PRAME: variants seen among roughly 807,000 people sequenced by gnomAD.
The protein encoded by PRAME is melanoma antigen preferentially expressed in tumors.
PRAME carries 21 observed loss-of-function variants against 32.1 expected under a neutral mutation model. The ratio of observed to expected loss-of-function variants is 0.65; its 90% CI spans 0.46 to 0.94. PRAME has a LOEUF of 0.94. PRAME is among the 40% of genes least tolerant of loss of function. PRAME has a pLI of 0.00. For synonymous variants in PRAME, 274 were observed against 251.5 expected (o/e 1.09, Z -0.85); for missense variants, 651 against 622.3 (o/e 1.05, Z -0.49).
At chr22:22,558,851 C>A (rs1189689960) in intron 1 of PRAME, 120 bp downstream of exon 1, 1 of 151,888 alleles carries the variant, frequency 6.6e-6, no homozygotes, top group Non-Finnish European at 1.5e-5. Context: ...GTTCTCGCCC[C>A]ACCCCGCCCC....
chr22:22,549,525 C>T (rs2062442148), intron 5 of PRAME, among the ~76,000 whole-genome samples: 1 of 151,896 alleles, frequency 6.6e-6, no homozygotes, highest in African/African-American at 2.4e-5. Context: ...TAGCATCTAT[C>T]CTAATGTATA....
chr22:22,550,029 G>T lies in PRAME; in HGVS notation c.650C>A (p.Ala217Glu). The change falls in exon 5 of 6, where the codon GCA becomes GAA. Residue 217 changes from alanine (A) to glutamate (E), a missense_variant. By Grantham distance (107) the Ala-to-Glu change is moderately radical. Transcript: ENST00000405655. Reference protein sequence around the residue: ...RLCCKKLKIFAMPMQDIKMIL... With the variant: ...RLCCKKLKIFEMPMQDIKMIL... Reference sequence around the variant, plus strand: ...CATCTTGATATCCTGCATGGGCATTGCAAAAATCTTCAGCTTCTTACAGCA... The same window carrying T: ...CATCTTGATATCCTGCATGGGCATTTCAAAAATCTTCAGCTTCTTACAGCA... The T allele has an allele frequency of 6.2e-7, 1 of 1,613,836 alleles. No homozygotes were observed. The highest frequency in any genetic ancestry group is 8.5e-7 in the Non-Finnish European group (1 of 1,179,936).
At position 22,550,908 on chromosome 22, in the gene PRAME, G is replaced by A. The variant is rs1569220029; in HGVS notation, c.203C>T (p.Thr68Ile). 1.2e-6 allele frequency: 2 copies of A among 1,613,912 alleles called. No individual in the cohort carries two copies. Among genetic ancestry groups the A allele is most frequent in the Non-Finnish European group, 8.5e-7 (1 of 1,179,968 alleles). Residue 68 changes from threonine (T) to isoleucine (I), a missense_variant, in exon 4 of 6, where the codon ACC becomes ATC. Coordinates refer to ENST00000405655, the MANE Select transcript of PRAME (RefSeq NM_206956.3). ...MAAFDGRHSQ[T>I]LKAMVQAWPF... ...CCAGGCCTGCACCATTGCCTTCAGG[G>A]TCTGGCTGTGTCTCCCGTCAAAGGC...
chr22:22,553,050 G>A, intron 3 of PRAME: 2 of 397,058 alleles, frequency 5.0e-6, no homozygotes, highest in Non-Finnish European at 1.0e-5. Context: ...TGATTGAATG[G>A]GATGTCTATT....
At chr22:22,554,337 G>A in intron 3 of PRAME, 1 of 769,514 alleles carries the variant, frequency 1.3e-6, no homozygotes, top group African/African-American at 1.9e-5. Context: ...TAAGGAGGCT[G>A]TAATTCGTTG....
intron 2 of PRAME, chr22:22,557,164 G>A: frequency 2.4e-6 from 1 of 412,900 alleles, no homozygotes; most frequent in Non-Finnish European, 4.5e-6. Context: ...CCCTGACTAC[G>A]GTCTTGCAGC....
Position 22,550,959 on chromosome 22 carries a change from T to G in PRAME, c.152A>C (p.Glu51Ala), listed in dbSNP as rs1217049953. Reference sequence around the variant, plus strand: ...TGCCATGAAGAGTGGCGGGAAGAGCTCCCTGGGCAGCAACTCCAGGGCGGC... The same window carrying G: ...TGCCATGAAGAGTGGCGGGAAGAGCGCCCTGGGCAGCAACTCCAGGGCGGC... Reference protein sequence around the residue: ...AIAALELLPRELFPPLFMAAF... With the variant: ...AIAALELLPRALFPPLFMAAF... Residue 51 changes from glutamate to alanine, a missense_variant, in exon 4 of 6, where the codon GAG becomes GCG. Physicochemically the swap from Glu to Ala is moderately radical, Grantham distance 107 (BLOSUM62 -1). Coordinates refer to ENST00000405655, the MANE Select transcript of PRAME (RefSeq NM_206956.3). 6.2e-7 allele frequency: 1 copy of G among 1,612,336 alleles called. No individual in the cohort carries two copies. The highest frequency in any genetic ancestry group is 1.7e-5 in the Admixed American group (1 of 59,902).
chr22:22,558,499 G>C lies in PRAME; in HGVS notation c.-114+472C>G, dbSNP rs903156940. 3.8e-4 allele frequency among the ~76,000 whole-genome samples: 39 copies of C among 102,516 alleles called. No homozygotes were observed. In the East Asian group the frequency reaches 0.014, roughly 36 times the overall value. The allele number at this position is 102,516 out of a possible 152,430, so 67.3% of individuals were successfully genotyped here. A position where few individuals can be genotyped will look rare whatever the true frequency, so the allele number is the denominator to read the frequency against. On this transcript the variant is annotated intron_variant, in intron 1 of 5. Transcript: ENST00000405655. Reference sequence around the variant, plus strand: ...GATGTGTAAGAAAAACAAAGGGTTGGGGAGGGGGAGGGAAAAGAGGCAGAG... The same window carrying C: ...GATGTGTAAGAAAAACAAAGGGTTGCGGAGGGGGAGGGAAAAGAGGCAGAG...
At position 22,554,621 on chromosome 22, in the gene PRAME, A is replaced by C. The variant is rs2062792590; in HGVS notation, c.21+2191T>G. Among the ~76,000 whole-genome samples, 3 of 151,886 alleles carry C rather than the reference A, an allele frequency of 2.0e-5. No homozygotes were observed. The South Asian group carries it at 6.2e-4, about 32-fold the overall frequency. On this transcript the variant is annotated intron_variant, in intron 3 of 5. Coordinates refer to ENST00000405655, the MANE Select transcript of PRAME (RefSeq NM_206956.3). Reference sequence around the variant, plus strand: ...TCAAATAGCCTTCACAGAGAATCTAAAGTTCACTGTCATTTTCATTTTTAG... The same window carrying C: ...TCAAATAGCCTTCACAGAGAATCTACAGTTCACTGTCATTTTCATTTTTAG...
chr22:22,555,735 C>T (rs1390566830), intron 3 of PRAME: 11 of 402,844 alleles, frequency 2.7e-5, no homozygotes, highest in South Asian at 7.3e-5. Context: ...ACAAGTCTCC[C>T]GGCTTCAACC....
intron 3 of PRAME, 104 bp downstream of exon 3, chr22:22,556,708 C>A: frequency 1.4e-6 from 2 of 1,390,230 alleles, no homozygotes; most frequent in South Asian, 2.3e-5. Context: ...TCTTCGTCTA[C>A]TGTGAGGGAC....
At chr22:22,557,493 C>T (rs2063000961) in intron 2 of PRAME, 52 bp downstream of exon 2, 6 of 153,516 alleles carry the variant, frequency 3.9e-5, no homozygotes, top group Admixed American at 3.8e-4. Flanking sequence ...GCTGGGGGCA[C>T]AAGCCCAAGG....
rs2063177166 is a variant in PRAME at position 22,559,100 on chromosome 22, C to G, written c.-243G>C. On this transcript the variant is annotated 5_prime_UTR_variant, in exon 1 of 6. Coordinates refer to ENST00000405655, the MANE Select transcript of PRAME (RefSeq NM_206956.3). ...AAATCCACGCATTCACGCCCCTCCC[C>G]TCCCCCGAGCCTGCAGAGGACTCCG... 1 of 198,022 alleles carries G rather than the reference C, an allele frequency of 5.0e-6. No individual in the cohort carries two copies. The highest frequency in any genetic ancestry group is 6.5e-5 in the Admixed American group (1 of 15,408). The allele number at this position is 198,022 out of a possible 1,614,324, so 12.3% of individuals were successfully genotyped here. A position where few individuals can be genotyped will look rare whatever the true frequency, so the allele number is the denominator to read the frequency against.
chr22:22,555,061 G>A (rs2062825576), intron 3 of PRAME, among the ~76,000 whole-genome samples: 1 of 152,008 alleles, frequency 6.6e-6, no homozygotes, highest in South Asian at 2.1e-4. Flanking sequence ...GTATAAGGGA[G>A]AAGTGAAAAG....
chr22:22,549,294 AT>A (rs1167384375), intron 5 of PRAME, among the ~76,000 whole-genome samples: 7 of 151,950 alleles, frequency 4.6e-5, no homozygotes, highest in Admixed American at 3.9e-4. Flanking sequence ...CAGACAGGAA[AT>A]TTGAGGCAGG....
chr22:22,556,898 T>C lies in PRAME; in HGVS notation c.-66A>G, dbSNP rs1407489295. 6.3e-7 allele frequency: 1 copy of C among 1,576,172 alleles called. No homozygotes were observed. Among genetic ancestry groups the C allele is most frequent in the Non-Finnish European group, 8.7e-7 (1 of 1,146,934 alleles). Reference sequence around the variant, plus strand: ...GGATTTCTAGGTCTCAGTCACTTGTTGCCACGCACGTCTGAGAGTAATAAT... The same window carrying C: ...GGATTTCTAGGTCTCAGTCACTTGTCGCCACGCACGTCTGAGAGTAATAAT... On this transcript the variant is annotated 5_prime_UTR_variant, in exon 3 of 6. Coordinates refer to ENST00000405655, the MANE Select transcript of PRAME (RefSeq NM_206956.3).
At position 22,553,968 on chromosome 22, in the gene PRAME, C is replaced by A. The variant is rs1462576918; in HGVS notation, c.21+2844G>T. On this transcript the variant is annotated intron_variant, in intron 3 of 5. Coordinates refer to ENST00000405655, the MANE Select transcript of PRAME (RefSeq NM_206956.3). ...ATGTTTCCACACTTCAAGAAAACAG[C>A]TGTTCTTTCTTGCCCCTAAGCTGCT... is the stretch of plus-strand genomic sequence containing the variant. 2.1e-5 allele frequency: 21 copies of A among 985,080 alleles called. No individual in the cohort carries two copies. In the Admixed American group the frequency reaches 1.3e-3, roughly 61 times the overall value. 61.0% of individuals were successfully genotyped at this position (985,080 alleles called of 1,614,324 possible). A position where few individuals can be genotyped will look rare whatever the true frequency, so the allele number is the denominator to read the frequency against.
At chr22:22,548,774 G>A in intron 5 of PRAME, 131 bp from the exon 6 acceptor site, 2 of 792,276 alleles carry the variant, frequency 2.5e-6, no homozygotes, top group Admixed American at 2.8e-5. Flanking sequence ...ATGCTGTAAC[G>A]GAGCATTCAA....
chr22:22,555,002 G>A (rs1339397644), intron 3 of PRAME, among the ~76,000 whole-genome samples: 1 of 152,002 alleles, frequency 6.6e-6, no homozygotes, highest in South Asian at 2.1e-4. Flanking sequence ...GGCACTGGAG[G>A]AAGCAGCACC....
Sources: allele counts gnomAD v4.1 joint callset (sites outside exome capture counted in the v4.1 genomes callset), GRCh38; gene constraint gnomAD v4.1.1; transcripts MANE v1.5; gene names NCBI Gene and HGNC (gene_info 2026-07-23, HGNC 2026-07-21).